Variants in DYSF observed in about 807,000 individuals in gnomAD.
The protein encoded by DYSF is dysferlin.
In DYSF, 212 loss-of-function variants were observed where a neutral mutation model predicts 274.9. That is an observed-to-expected ratio of 0.77 (90% CI 0.69 to 0.86). DYSF has a LOEUF of 0.86. DYSF is among the 40% of genes least tolerant of loss of function. The pLI is 0.00. For missense variants in DYSF, 2,666 were observed against 2,783.2 expected (o/e 0.96, Z 0.95); for synonymous variants, 1,091 against 1,078.7 (o/e 1.01, Z -0.22).
chr2:71,643,866 C>A, intron 41 of DYSF, 99 bp from the exon 42 acceptor site: 1 of 910,264 alleles, frequency 1.1e-6, no homozygotes, highest in Non-Finnish European at 1.8e-6. Context: ...GCCTTGTGGT[C>A]CAGAGCGGCC....
chr2:71,463,139 C>T (rs950255653), upstream of DYSF, among the ~76,000 whole-genome samples: 4 of 152,218 alleles, frequency 2.6e-5, no homozygotes, highest in African/African-American at 9.6e-5. Context: ...GCTTGCAGTT[C>T]CAGGTGGAGC....
In DYSF at chr2:71,537,223, G is replaced by GTTTTTTTTTTT. The variant is rs71402990; in HGVS notation, c.1494-1921_1494-1911dup. 6.5e-4 allele frequency among the ~76,000 whole-genome samples: 52 copies of GTTTTTTTTTTT among 79,650 alleles called. 1 individual carries two copies. The highest frequency in any genetic ancestry group is 8.3e-4 in the Non-Finnish European group (35 of 42,266). The allele number at this position is 79,650 out of a possible 152,430, so 52.3% of individuals were successfully genotyped here. A position where few individuals can be genotyped will look rare whatever the true frequency, so the allele number is the denominator to read the frequency against. On this transcript the variant is annotated intron_variant, in intron 16 of 55. Transcript: ENST00000410020. ...CAGGAAATTTTTACTTTCTAGTTTT[G>GTTTTTTTTTTT]TTTTTTTTTTTTTTTTTTTTTTTGC...
intron 17 of DYSF, among the ~76,000 whole-genome samples, chr2:71,539,794 T>C (rs2089750457): frequency 6.6e-6 from 1 of 152,250 alleles, no homozygotes; most frequent in African/African-American, 2.4e-5. Flanking sequence ...GGTATGTGTA[T>C]ATATACATTA....
chr2:71,502,780 G>C lies in DYSF; in HGVS notation c.240-434G>C, dbSNP rs201123204. Among the ~76,000 whole-genome samples, 30 of 152,262 alleles carry C rather than the reference G, an allele frequency of 2.0e-4. No homozygotes were observed. The East Asian group carries it at 5.2e-3, about 27-fold the overall frequency. The stretch of plus-strand genomic sequence containing the variant: ...TGTACAATCAATCACTGCCGGCGGA[G>C]CCCTGGGATTCCAATACAGACGGCC... On this transcript the variant is annotated intron_variant, in intron 3 of 55. Transcript: ENST00000410020.
chr2:71,549,040 T>A (rs552210192), intron 17 of DYSF, among the ~76,000 whole-genome samples: 2 of 152,080 alleles, frequency 1.3e-5, no homozygotes, highest in Non-Finnish European at 2.9e-5. Flanking sequence ...ATTCCTTGAG[T>A]GTATTGAATC....
intron 3 of DYSF, among the ~76,000 whole-genome samples, chr2:71,489,375 T>C (rs1038800044): frequency 2.6e-5 from 4 of 152,230 alleles, no homozygotes; most frequent in African/African-American, 9.6e-5. Context: ...GGGATGCTGC[T>C]TTATAGCTCA....
intron 36 of DYSF, among the ~76,000 whole-genome samples, chr2:71,603,336 G>A (rs1211336614): frequency 1.3e-5 from 2 of 152,176 alleles, no homozygotes; most frequent in African/African-American, 4.8e-5. Flanking sequence ...ATAAAGCAAG[G>A]CTGCATCCTT....
chr2:71,481,975 G>T lies in DYSF; in HGVS notation c.239+5G>T, dbSNP rs556416924. The T allele has an allele frequency of 9.3e-6, 15 of 1,613,112 alleles. No homozygotes were observed. The East Asian group carries it at 3.3e-4, about 36-fold the overall frequency. On this transcript the variant is annotated splice_donor_5th_base_variant and intron_variant, in intron 3 of 55. Coordinates refer to ENST00000410020, the MANE Select transcript of DYSF (RefSeq NM_001130987.2). The stretch of plus-strand genomic sequence containing the variant: ...TGAGACGATGGGGAGGAACAGGTAA[G>T]GTGGCCAGAGGGGGGTGCTCCATGG...
intron 3 of DYSF, among the ~76,000 whole-genome samples, chr2:71,490,814 C>T (rs1045708205): frequency 2.0e-5 from 3 of 152,114 alleles, no homozygotes; most frequent in Non-Finnish European, 1.5e-5. Flanking sequence ...TGTGGTATTC[C>T]GCGGTATGTG....
intron 41 of DYSF, among the ~76,000 whole-genome samples, chr2:71,634,054 C>T (rs1229026765): frequency 2.0e-5 from 3 of 152,194 alleles, no homozygotes; most frequent in Non-Finnish European, 4.4e-5. Flanking sequence ...TTTTCTCTGG[C>T]TGCCCAGGAA....
chr2:71,519,811 GTTT>G (rs70959241), intron 10 of DYSF, among the ~76,000 whole-genome samples: 19 of 102,272 alleles, frequency 1.9e-4, no homozygotes, highest in Admixed American at 3.5e-4. Flanking sequence ...CACCCGGCTA[GTTT>G]TTTTTTTTTT....
At chr2:71,668,301 A>T (rs181488096) in intron 48 of DYSF, among the ~76,000 whole-genome samples, 61 of 152,300 alleles carry the variant, frequency 4.0e-4, no homozygotes, top group African/African-American at 1.2e-3. Context: ...GAAGTGACTT[A>T]ATTGAATTAC....
chr2:71,591,322 C>T (rs1489509260), intron 32 of DYSF, among the ~76,000 whole-genome samples: 1 of 152,244 alleles, frequency 6.6e-6, no homozygotes, highest in Non-Finnish European at 1.5e-5. Flanking sequence ...TTACCAGCAC[C>T]TCCCTCAGAG....
intron 42 of DYSF, among the ~76,000 whole-genome samples, chr2:71,654,483 T>TA (rs2094729190): frequency 3.9e-5 from 6 of 152,134 alleles, no homozygotes; most frequent in Admixed American, 3.9e-4. Flanking sequence ...ATAAGTGGTT[T>TA]AAAAAAATAA....
At chr2:71,481,087 C>G (rs2082845657) in intron 2 of DYSF, 149 bp downstream of exon 2, 1 of 805,438 alleles carries the variant, frequency 1.2e-6, no homozygotes, top group African/African-American at 1.7e-5. Context: ...CGAAATCCTT[C>G]TTGCTCTAGG....
At chr2:71,610,796 G>T in intron 36 of DYSF, 1 of 289,372 alleles carries the variant, frequency 3.5e-6, no homozygotes, top group Non-Finnish European at 6.8e-6. Flanking sequence ...AACCCGGAAG[G>T]GTCTGAGCCA....
In DYSF at chr2:71,549,406, C is replaced by T. The variant is rs76402294; in HGVS notation, c.1577-1635C>T. The T allele has an allele frequency of 2.8e-5, 45 of 1,610,458 alleles. No individual in the cohort carries two copies. Among genetic ancestry groups the T allele is most frequent in the Non-Finnish European group, 3.7e-5 (44 of 1,177,984 alleles). On this transcript the variant is annotated intron_variant, in intron 17 of 55. Transcript: ENST00000410020. The stretch of plus-strand genomic sequence containing the variant: ...AGCCTCAGACTGTACGTTGCTGTCA[C>T]CTTGGGGACAACCAGGGGAGTGGGG...
intron 42 of DYSF, 42 bp downstream of exon 42, chr2:71,644,105 T>A (rs1558708792): frequency 6.6e-7 from 1 of 1,511,976 alleles, no homozygotes; most frequent in Non-Finnish European, 9.1e-7. Context: ...TGTGTGTGCG[T>A]ACTGGGCAGT....
At chr2:71,681,193 A>G (rs2095292234) in intron 54 of DYSF, 83 bp downstream of exon 54, 1 of 1,336,902 alleles carries the variant, frequency 7.5e-7, no homozygotes. Context: ...TTGCATGGCC[A>G]TGTAGAAGTC....
Sources: gnomAD v4.1 joint callset for allele counts (sites outside exome capture counted in the v4.1 genomes callset) on GRCh38, gnomAD v4.1.1 for gene constraint, MANE v1.5 for transcripts, NCBI Gene and HGNC (gene_info 2026-07-23, HGNC 2026-07-21) for gene names.